ZNF639: variants seen among roughly 807,000 people sequenced by gnomAD.
ZNF639 encodes zinc finger amplified in esophageal squamous cell carcinomas 1.
ZNF639 carries 20 observed loss-of-function variants against 39.8 expected under a neutral mutation model. That is an observed-to-expected ratio of 0.50 (90% CI 0.35 to 0.73). The LOEUF is 0.73. ZNF639 is among the 30% of genes least tolerant of loss of function. The pLI is 0.00. For missense variants in ZNF639, 477 were observed against 566.2 expected (o/e 0.84, Z 1.60); for synonymous variants, 176 against 189.8 (o/e 0.93, Z 0.60).
intron 1 of ZNF639, among the ~76,000 whole-genome samples, chr3:179,327,294 T>G (rs1446097083): frequency 6.6e-6 from 1 of 152,220 alleles, no homozygotes; most frequent in Non-Finnish European, 1.5e-5. Context: ...GTCAAAAGAT[T>G]TAACTATAGG....
intron 3 of ZNF639, among the ~76,000 whole-genome samples, chr3:179,328,776 T>A (rs1299818671): frequency 6.8e-6 from 1 of 146,790 alleles, no homozygotes; most frequent in Non-Finnish European, 1.5e-5. Flanking sequence ...AATGTGTAAT[T>A]TTTTTTTTTT....
Position 179,328,336 on chromosome 3 carries a change from C to A in ZNF639, c.43C>A (p.Pro15Thr). 1 of 1,584,464 alleles carries A rather than the reference C, an allele frequency of 6.3e-7. No individual in the cohort carries two copies. Among genetic ancestry groups the A allele is most frequent in the South Asian group, 1.2e-5 (1 of 86,460 alleles). Residue 15 changes from proline to threonine, a missense_variant, in exon 3 of 6, where the codon CCT becomes ACT. By Grantham distance (38) the Pro-to-Thr change is conservative. Coordinates refer to ENST00000496856, the MANE Select transcript of ZNF639 (RefSeq NM_001303426.2). ...PKKRKRKTLH[P>T]SRYSDSSGIS... The stretch of plus-strand genomic sequence containing the variant: ...AAAAAGAAAAAGGAAGACTCTACAC[C>A]CTTCTCGTTATTCAGGTCAGTGTAT...
chr3:179,329,607 T>G lies in ZNF639; in HGVS notation c.59-11T>G. 6.5e-7 allele frequency: 1 copy of G among 1,526,814 alleles called. No homozygotes were observed. Among genetic ancestry groups the G allele is most frequent in the South Asian group, 1.2e-5 (1 of 85,584 alleles). The allele number at this position is 1,526,814 out of a possible 1,614,324, so 94.6% of individuals were successfully genotyped here. ...TTACTGTACTTGAAATATTTTTCAT[T>G]TTATGTTCAGATTCCTCTGGAATAA... On this transcript the variant is annotated splice_polypyrimidine_tract_variant and intron_variant, in intron 3 of 5. Transcript: ENST00000496856.
rs1374423780 is a variant in ZNF639 at position 179,336,868 on chromosome 3, A to G, written c.*2446A>G. 6.6e-6 allele frequency: 1 copy of G among 152,236 alleles called. No homozygotes were observed. Among genetic ancestry groups the G allele is most frequent in the Non-Finnish European group, 1.5e-5 (1 of 68,040 alleles). The allele number at this position is 152,236 out of a possible 1,614,324, so 9.4% of individuals were successfully genotyped here. A position where few individuals can be genotyped will look rare whatever the true frequency, so the allele number is the denominator to read the frequency against. Reference sequence around the variant, plus strand: ...GCTTTTTATACATCTAGCTCCAGGAATTGGATTTTTGGAAAAACACCTTAA... The same window carrying G: ...GCTTTTTATACATCTAGCTCCAGGAGTTGGATTTTTGGAAAAACACCTTAA... On this transcript the variant is annotated 3_prime_UTR_variant, in exon 6 of 6. Coordinates refer to ENST00000496856, the MANE Select transcript of ZNF639 (RefSeq NM_001303426.2).
At position 179,338,139 on chromosome 3, in the gene ZNF639, T is replaced by C. The variant is rs1272421578; in HGVS notation, c.*3717T>C. ...AAAATTAACACTCCTGGTTTTGTTT[T>C]GTTTTTTGTTTTGTTTTACTTCAGA... On this transcript the variant is annotated 3_prime_UTR_variant, in exon 6 of 6. Coordinates refer to ENST00000496856, the MANE Select transcript of ZNF639 (RefSeq NM_001303426.2). 1 of 151,538 alleles carries C rather than the reference T, an allele frequency of 6.6e-6. No homozygotes were observed. The highest frequency in any genetic ancestry group is 1.5e-5 in the Non-Finnish European group (1 of 67,938). 9.4% of individuals were successfully genotyped at this position (151,538 alleles called of 1,614,324 possible). A position where few individuals can be genotyped will look rare whatever the true frequency, so the allele number is the denominator to read the frequency against.
rs769173248 is a variant in ZNF639 at position 179,333,662 on chromosome 3, A to C, written c.698A>C (p.Asn233Thr). ...MILKHKRTDS[N>T]VCRVCKESFS... ...CTGAAGCATAAACGTACTGATTCAA[A>C]TGTGTGTCGAGTATGCAAGGAAAGT... The change falls in exon 6 of 6, where the codon AAT (asparagine) becomes ACT (threonine). Residue 233 changes from asparagine (N) to threonine (T), a missense_variant. By Grantham distance (65) the Asn-to-Thr change is moderately conservative. Coordinates refer to ENST00000496856, the MANE Select transcript of ZNF639 (RefSeq NM_001303426.2). 5.0e-6 allele frequency: 8 copies of C among 1,614,200 alleles called. No individual in the cohort carries two copies. The East Asian group carries it at 1.8e-4, about 36-fold the overall frequency.
Position 179,332,980 on chromosome 3 carries a change from T to A in ZNF639, c.170-9T>A. The stretch of plus-strand genomic sequence containing the variant: ...AATAATAAGTATTCTTCCAAATCCC[T>A]TTTTACAGATGATGATTCTGATACC... On this transcript the variant is annotated splice_polypyrimidine_tract_variant and intron_variant, in intron 4 of 5. Coordinates refer to ENST00000496856, the MANE Select transcript of ZNF639 (RefSeq NM_001303426.2). 2.6e-6 allele frequency: 4 copies of A among 1,540,792 alleles called. No homozygotes were observed. Among genetic ancestry groups the A allele is most frequent in the Non-Finnish European group, 3.5e-6 (4 of 1,143,876 alleles).
At position 179,334,185 on chromosome 3, in the gene ZNF639, CTG is replaced by C. The variant is rs1444601643; in HGVS notation, c.1224_1225del (p.Cys408TrpfsTer20). On this transcript the variant is annotated frameshift_variant, in exon 6 of 6. Coordinates refer to ENST00000496856, the MANE Select transcript of ZNF639 (RefSeq NM_001303426.2). LOFTEE classifies it high-confidence loss of function. Reference sequence around the variant, plus strand: ...AAATTTTTCCTCATGTTTGTGATGACTGTGGGAAAGGCTTTTCAAGTATGCTA... The same window carrying C: ...AAATTTTTCCTCATGTTTGTGATGACTGGGAAAGGCTTTTCAAGTATGCTA... ...TKIFPHVCDD[C>X]GKGFSSMLEY... 11 of 1,613,916 alleles carry C rather than the reference CTG, an allele frequency of 6.8e-6. No homozygotes were observed. Among genetic ancestry groups the C allele is most frequent in the Middle Eastern group, 1.6e-4 (1 of 6,082 alleles).
At chr3:179,327,339 T>C (rs1209063294) in intron 1 of ZNF639, among the ~76,000 whole-genome samples, 1 of 152,176 alleles carries the variant, frequency 6.6e-6, no homozygotes, top group Non-Finnish European at 1.5e-5. Context: ...AAAAGAACTA[T>C]AGAAGGTAAA....
At chr3:179,326,650 A>T (rs943550424) in intron 1 of ZNF639, among the ~76,000 whole-genome samples, 1 of 151,006 alleles carries the variant, frequency 6.6e-6, no homozygotes, top group African/African-American at 2.4e-5. Flanking sequence ...TTTGAGAGAG[A>T]GTCTTGCTCT....
In ZNF639 at chr3:179,333,027, A is replaced by G. The variant is rs61740983; in HGVS notation, c.208A>G (p.Lys70Glu). 30 of 1,558,420 alleles carry G rather than the reference A, an allele frequency of 1.9e-5. No individual in the cohort carries two copies. The African/African-American group carries it at 3.0e-4, about 16-fold the overall frequency. ...SDTETSNDLPKFADGIKARNR... is the reference protein window; with the variant it reads ...SDTETSNDLPEFADGIKARNR... ...TACCGAGACGTCAAATGACTTGCCA[A>G]AATTTGCAGATGGAATCAAGGCCAG... is the stretch of plus-strand genomic sequence containing the variant. Residue 70 changes from lysine (K) to glutamate (E), a missense_variant, in exon 5 of 6, where the codon AAA (lysine) becomes GAA (glutamate). Lys to Glu is a moderately conservative substitution (Grantham distance 56). Coordinates refer to ENST00000496856, the MANE Select transcript of ZNF639 (RefSeq NM_001303426.2).
intron 1 of ZNF639, among the ~76,000 whole-genome samples, chr3:179,325,619 C>A (rs992315469): frequency 6.6e-6 from 1 of 152,124 alleles, no homozygotes; most frequent in Non-Finnish European, 1.5e-5. Context: ...AAAGGCCGGG[C>A]GCGGTGGCTC....
rs953789211 is a variant in ZNF639 at position 179,334,494 on chromosome 3, G to A, written c.*72G>A. On this transcript the variant is annotated 3_prime_UTR_variant, in exon 6 of 6. Transcript: ENST00000496856. ...TCCTTTTTTTGGAGATGATTAAATG[G>A]ATGATTGTAAACACAACTTATGAAA... 2.5e-6 allele frequency: 3 copies of A among 1,220,520 alleles called. No homozygotes were observed. The African/African-American group carries it at 4.7e-5, about 19-fold the overall frequency. 75.6% of individuals were successfully genotyped at this position (1,220,520 alleles called of 1,614,324 possible).
At position 179,329,833 on chromosome 3, in the gene ZNF639, A is replaced by G. The variant is rs2108500165; in HGVS notation, c.169+105A>G. 7.5e-6 allele frequency: 4 copies of G among 534,344 alleles called. No individual in the cohort carries two copies. In the East Asian group the frequency reaches 1.3e-4, roughly 17 times the overall value. 33.1% of individuals were successfully genotyped at this position (534,344 alleles called of 1,614,324 possible). The stretch of plus-strand genomic sequence containing the variant: ...ATGTGGATTGATGATTTCAAAACAG[A>G]CAAGTCTTTGAAATTTGTTACAATG... On this transcript the variant is annotated intron_variant, in intron 4 of 5. Transcript: ENST00000496856.
chr3:179,331,638 G>A (rs375156244), intron 4 of ZNF639, among the ~76,000 whole-genome samples: 1 of 152,042 alleles, frequency 6.6e-6, no homozygotes, highest in African/African-American at 2.4e-5. Context: ...AGCTGGGCGT[G>A]GTGGTGCGTG....
Position 179,337,647 on chromosome 3 carries a change from CT to C in ZNF639, c.*3230del. On this transcript the variant is annotated 3_prime_UTR_variant, in exon 6 of 6. Transcript: ENST00000496856. ...CCACTGCACCCGGCATAATTTTGGA[CT>C]TTTTGATGAATCTGCAGCTTCAGGA... 6.6e-6 allele frequency: 1 copy of C among 151,902 alleles called. No individual in the cohort carries two copies. Among genetic ancestry groups the C allele is most frequent in the Non-Finnish European group, 1.5e-5 (1 of 68,034 alleles). The allele number at this position is 151,902 out of a possible 1,614,324, so 9.4% of individuals were successfully genotyped here.
Position 179,336,987 on chromosome 3 carries a change from G to C in ZNF639, c.*2565G>C, listed in dbSNP as rs1477361246. The C allele has an allele frequency of 6.6e-6, 1 of 152,170 alleles. No individual in the cohort carries two copies. The highest frequency in any genetic ancestry group is 1.5e-5 in the Non-Finnish European group (1 of 68,044). 9.4% of individuals were successfully genotyped at this position (152,170 alleles called of 1,614,324 possible). The stretch of plus-strand genomic sequence containing the variant: ...ATTGAAAAGATTGCAGGCTGGGCGT[G>C]GTGGCCCACGCCTCTAATCCCAGCA... On this transcript the variant is annotated 3_prime_UTR_variant, in exon 6 of 6. Coordinates refer to ENST00000496856, the MANE Select transcript of ZNF639 (RefSeq NM_001303426.2).
intron 4 of ZNF639, among the ~76,000 whole-genome samples, chr3:179,330,686 C>G (rs1727857168): frequency 6.6e-6 from 1 of 151,932 alleles, no homozygotes; most frequent in Non-Finnish European, 1.5e-5. Flanking sequence ...AGACACAGTT[C>G]TACTCAGCTA....
In ZNF639 at chr3:179,338,359, G is replaced by A. The variant is rs1405020526; in HGVS notation, c.*3937G>A. 6.6e-6 allele frequency: 1 copy of A among 152,048 alleles called. No individual in the cohort carries two copies. The highest frequency in any genetic ancestry group is 1.5e-5 in the Non-Finnish European group (1 of 68,008). The allele number at this position is 152,048 out of a possible 1,614,324, so 9.4% of individuals were successfully genotyped here. On this transcript the variant is annotated 3_prime_UTR_variant, in exon 6 of 6. Coordinates refer to ENST00000496856, the MANE Select transcript of ZNF639 (RefSeq NM_001303426.2). The stretch of plus-strand genomic sequence containing the variant: ...TTTTGAAATTCCAAAACATTTCCCT[G>A]TATTCCAGAAATTGAAAATGGTTGT...
Sources: allele counts gnomAD v4.1 joint callset (sites outside exome capture counted in the v4.1 genomes callset), GRCh38; gene constraint gnomAD v4.1.1; transcripts MANE v1.5; gene names NCBI Gene and HGNC (gene_info 2026-07-23, HGNC 2026-07-21).